The following RABGAP1L variants were observed in gnomAD, a reference collection of about 807,000 sequenced individuals.
RABGAP1L encodes RAB GTPase activating protein 1 like.
Under a neutral mutation model 137.7 loss-of-function variants are expected in RABGAP1L, and 63 were observed. The ratio of observed to expected loss-of-function variants is 0.46; its 90% CI spans 0.37 to 0.56. The LOEUF is 0.56. RABGAP1L is among the 20% of genes least tolerant of loss of function. The pLI, the probability that RABGAP1L is intolerant of heterozygous loss-of-function variation, is 0.00. For synonymous variants in RABGAP1L, 431 were observed against 433.7 expected (o/e 0.99, Z 0.08); for missense variants, 1,095 against 1,244.0 (o/e 0.88, Z 1.80).
At chr1:174,567,755 G>A (rs1667682019) in intron 13 of RABGAP1L, among the ~76,000 whole-genome samples, 1 of 152,136 alleles carries the variant, frequency 6.6e-6, no homozygotes, top group South Asian at 2.1e-4. Flanking sequence ...ATGCAACTCT[G>A]CAGGATTTGA....
intron 6 of RABGAP1L, among the ~76,000 whole-genome samples, chr1:174,251,936 G>A (rs1013948530): frequency 1.1e-4 from 16 of 146,952 alleles, no homozygotes; most frequent in South Asian, 2.1e-4. Flanking sequence ...TTGCTCTGTC[G>A]CCCAGGCAAG....
intron 13 of RABGAP1L, among the ~76,000 whole-genome samples, chr1:174,528,727 G>A (rs559260066): frequency 9.5e-4 from 144 of 151,566 alleles, no homozygotes; most frequent in Non-Finnish European, 1.4e-3. Flanking sequence ...GGATCTGAGA[G>A]TCTCCTGTAT....
chr1:174,502,947 T>C (rs1475120309), intron 13 of RABGAP1L, among the ~76,000 whole-genome samples: 1 of 152,162 alleles, frequency 6.6e-6, no homozygotes, highest in Non-Finnish European at 1.5e-5. Context: ...AAATTGGAGA[T>C]ATAATGATAT....
chr1:174,627,780 T>G (rs1455188468), intron 13 of RABGAP1L, among the ~76,000 whole-genome samples: 1 of 152,268 alleles, frequency 6.6e-6, no homozygotes, highest in Non-Finnish European at 1.5e-5. Context: ...TTTTTCAGAC[T>G]TTATGACAAA....
intron 13 of RABGAP1L, among the ~76,000 whole-genome samples, chr1:174,618,540 G>A (rs994569857): frequency 1.3e-5 from 2 of 152,212 alleles, no homozygotes; most frequent in East Asian, 1.9e-4. Context: ...AGGGACTGGA[G>A]TGGAACTCCC....
intron 11 of RABGAP1L, among the ~76,000 whole-genome samples, chr1:174,339,210 GT>G (rs556952555): frequency 4.6e-5 from 7 of 151,138 alleles, no homozygotes; most frequent in East Asian, 1.9e-4. Context: ...AAAAATTAAA[GT>G]TTTTTTTTGC....
At chr1:174,614,541 T>G (rs1016546212) in intron 13 of RABGAP1L, among the ~76,000 whole-genome samples, 1 of 152,236 alleles carries the variant, frequency 6.6e-6, no homozygotes, top group African/African-American at 2.4e-5. Context: ...TTGGTGAATC[T>G]GACATTTATG....
intron 1 of RABGAP1L, among the ~76,000 whole-genome samples, chr1:174,200,401 C>T (rs1310814051): frequency 6.6e-6 from 1 of 152,164 alleles, no homozygotes; most frequent in Non-Finnish European, 1.5e-5. Context: ...AGGTTATTAT[C>T]TACAGTTACC....
intron 10 of RABGAP1L, among the ~76,000 whole-genome samples, chr1:174,290,831 G>A (rs936464385): frequency 5.3e-5 from 8 of 150,062 alleles, no homozygotes; most frequent in Non-Finnish European, 8.9e-5. Flanking sequence ...GCGAGATCTC[G>A]GCTCACTGCA....
chr1:174,832,936 C>T, intron 19 of RABGAP1L, among the ~76,000 whole-genome samples: 1 of 152,176 alleles, frequency 6.6e-6, no homozygotes, highest in East Asian at 1.9e-4. Context: ...ATCATCACAA[C>T]ACCATGAAGT....
intron 19 of RABGAP1L, among the ~76,000 whole-genome samples, chr1:174,947,230 C>G (rs1573961459): frequency 6.9e-6 from 1 of 145,648 alleles, no homozygotes. Flanking sequence ...TTTTTTCAGA[C>G]AGTTTCACTG....
intron 19 of RABGAP1L, among the ~76,000 whole-genome samples, chr1:174,889,968 G>A (rs542343015): frequency 1.2e-4 from 18 of 152,104 alleles, no homozygotes; most frequent in Non-Finnish European, 1.5e-5. Context: ...TTGAACTGCT[G>A]GGCTCAAGTG....
chr1:174,541,642 G>A (rs1410864349), intron 13 of RABGAP1L, among the ~76,000 whole-genome samples: 1 of 152,126 alleles, frequency 6.6e-6, no homozygotes. Flanking sequence ...CAGGCAGGGT[G>A]GCGGGCACCT....
At chr1:174,362,129 C>A (rs1171673792) in intron 11 of RABGAP1L, among the ~76,000 whole-genome samples, 3 of 152,124 alleles carry the variant, frequency 2.0e-5, no homozygotes, top group African/African-American at 7.2e-5. Flanking sequence ...TTTTTTATGG[C>A]TACATATTAT....
At chr1:174,428,022 T>C (rs1652165630) in intron 13 of RABGAP1L, among the ~76,000 whole-genome samples, 1 of 152,190 alleles carries the variant, frequency 6.6e-6, no homozygotes, top group Non-Finnish European at 1.5e-5. Context: ...AGTGAATACA[T>C]CCCTGGTCTG....
Position 174,825,860 on chromosome 1 carries a change from C to T in RABGAP1L, c.2340+13900C>T, listed in dbSNP as rs867345591. On this transcript the variant is annotated intron_variant, in intron 19 of 25. Transcript: ENST00000681986. ...GACTGGAGATGGTGCCGCTGCTCTC[C>T]AGCCTGGGCGACAGAGCAAAACTCT... Among the ~76,000 whole-genome samples the T allele has an allele frequency of 2.5e-4, 38 of 152,302 alleles. No individual in the cohort carries two copies. In the Middle Eastern group the frequency reaches 0.01, roughly 41 times the overall value.
intron 19 of RABGAP1L, among the ~76,000 whole-genome samples, chr1:174,877,211 C>A (rs532035901): frequency 6.6e-6 from 1 of 152,184 alleles, no homozygotes; most frequent in East Asian, 1.9e-4. Flanking sequence ...ATTGAATTTT[C>A]CAGCTTCTCT....
rs12752523 is a variant in RABGAP1L, at chr1:174,365,473, G to A, written c.1466-5506G>A. ...CTAGGATCCCAGAGCATTTCAGCCC[G>A]CAGTGTTGAGGCTTGCTGAGCAACT... On this transcript the variant is annotated intron_variant, in intron 11 of 25. Coordinates refer to ENST00000681986, the MANE Select transcript of RABGAP1L (RefSeq NM_001366446.1). Among the ~76,000 whole-genome samples, 15 of 152,036 alleles carry A rather than the reference G, an allele frequency of 9.9e-5. 1 individual carries two copies. The South Asian group carries it at 1.7e-3, about 17-fold the overall frequency.
intron 13 of RABGAP1L, among the ~76,000 whole-genome samples, chr1:174,600,593 T>G (rs1320938603): frequency 6.6e-6 from 1 of 152,138 alleles, no homozygotes; most frequent in Non-Finnish European, 1.5e-5. Context: ...CCCATGCAAG[T>G]CCAAAATCCA....
Sources: allele counts gnomAD v4.1 joint callset (sites outside exome capture counted in the v4.1 genomes callset), GRCh38; gene constraint gnomAD v4.1.1; transcripts MANE v1.5; gene names NCBI Gene and HGNC (gene_info 2026-07-23, HGNC 2026-07-21).